The following PARVB variants were observed in gnomAD, a reference collection of about 807,000 sequenced individuals.
PARVB encodes beta-parvin.
In PARVB, 46 loss-of-function variants were observed where a neutral mutation model predicts 47.0. The observed-to-expected ratio is 0.98, with a 90% CI of 0.77 to 1.25. The LOEUF is 1.25. Among genes scored for constraint, PARVB ranks in the 50% most tolerant of loss-of-function variants. The pLI, the probability that PARVB is intolerant of heterozygous loss-of-function variation, is 0.00. For synonymous variants in PARVB, 196 were observed against 196.3 expected, an observed-to-expected ratio of 1.00 and a Z score of 0.01; for missense variants, 473 against 471.6, an observed-to-expected ratio of 1.00 and a Z score of -0.03.
At chr22:44,058,549 A>ATTTTTT (rs35947294) in intron 1 of PARVB, among the ~76,000 whole-genome samples, 19 of 96,030 alleles carry the variant, frequency 2.0e-4, no homozygotes, top group Admixed American at 3.6e-4. Flanking sequence ...GTGGACGTGG[A>ATTTTTT]TTTTTTTTTT....
At position 44,103,764 on chromosome 22, in the gene PARVB, G is replaced by A. The variant is rs986552187; in HGVS notation, c.273+3641G>A. On this transcript the variant is annotated intron_variant, in intron 3 of 12. Coordinates refer to ENST00000338758, the MANE Select transcript of PARVB (RefSeq NM_013327.5). This position sits in a 1 kb window ranked among gnomAD's most constrained non-coding sequence, Gnocchi z 4.6. Reference sequence around the variant, plus strand: ...CCCTGGAGGCAAGGTGGTAGCTTCTGGCTCTGAAGATGGAAGAAGGGGCCA... The same window carrying A: ...CCCTGGAGGCAAGGTGGTAGCTTCTAGCTCTGAAGATGGAAGAAGGGGCCA... The A allele has an allele frequency of 6.6e-6, 1 of 152,230 alleles. No homozygotes were observed. The highest frequency in any genetic ancestry group is 1.5e-5 in the Non-Finnish European group (1 of 68,068). 9.4% of individuals were successfully genotyped at this position (152,230 alleles called of 1,614,324 possible). A position where few individuals can be genotyped will look rare whatever the true frequency, so the allele number is the denominator to read the frequency against.
chr22:44,105,187 T>G (rs531651926), intron 3 of PARVB: 2 of 152,192 alleles, frequency 1.3e-5, no homozygotes, highest in Non-Finnish European at 2.9e-5. Context: ...CTCCAGCCCC[T>G]CCAGCAGCTG....
intron 1 of PARVB, among the ~76,000 whole-genome samples, chr22:44,085,524 G>C (rs10427639): frequency 6.6e-6 from 1 of 151,938 alleles, no homozygotes; most frequent in African/African-American, 2.4e-5. Context: ...CGCTGGTCTC[G>C]AACTCCTGAG....
chr22:44,033,293 C>T lies in PARVB; in HGVS notation c.112+8842C>T, dbSNP rs939689491. ...CTGACCTCAACTGATCCGCCCACCT[C>T]GGCCTCCCAAAGTGCTGGGATTACA... On this transcript the variant is annotated intron_variant, in intron 1 of 12. Transcript: ENST00000338758. 2.6e-5 allele frequency among the ~76,000 whole-genome samples: 4 copies of T among 152,172 alleles called. No individual in the cohort carries two copies. The East Asian group carries it at 5.8e-4, about 22-fold the overall frequency.
rs565729597 is a variant in PARVB, at chr22:44,009,432, A to G, written c.211+9759A>G. ...TGAAATCAGTTTTGAAATCAGTTCTATTTGCTCTAAATAACATCAACTTGT... is the reference window on the plus strand; with the variant it reads ...TGAAATCAGTTTTGAAATCAGTTCTGTTTGCTCTAAATAACATCAACTTGT... On this transcript the variant is annotated intron_variant, in intron 2 of 13. Transcript: ENST00000406477. The G allele has an allele frequency of 2.9e-4, 44 of 152,306 alleles. 2 individuals carry two copies. The highest frequency in any genetic ancestry group is 8.3e-4 in the South Asian group (4 of 4,830). The allele number at this position is 152,306 out of a possible 1,614,324, so 9.4% of individuals were successfully genotyped here.
chr22:44,140,017 G>A, intron 7 of PARVB, 107 bp from the exon 8 acceptor site: 3 of 122,628 alleles, frequency 2.4e-5, no homozygotes, highest in Non-Finnish European at 3.9e-5. Flanking sequence ...TGGGCAGCGA[G>A]GGCCCAGCTT....
intron 2 of PARVB, among the ~76,000 whole-genome samples, chr22:44,013,885 G>A (rs1050295978): frequency 6.6e-6 from 1 of 152,050 alleles, no homozygotes; most frequent in Non-Finnish European, 1.5e-5. Context: ...TGCCCACCTC[G>A]GCCTCCCAAC....
At chr22:44,020,262 G>A (rs942704842), upstream of PARVB, among the ~76,000 whole-genome samples, 5 of 149,824 alleles carry the variant, frequency 3.3e-5, no homozygotes, top group Non-Finnish European at 7.4e-5. Context: ...CTGCAACCTC[G>A]ACCTCCTGGG....
intron 1 of PARVB, among the ~76,000 whole-genome samples, chr22:44,054,587 G>C (rs2051269734): frequency 2.0e-5 from 3 of 152,160 alleles, no homozygotes; most frequent in Admixed American, 1.3e-4. Context: ...GCAGGGAGGG[G>C]ACAGGGAGTT....
intron 1 of PARVB, among the ~76,000 whole-genome samples, chr22:44,040,412 T>C (rs770892760): frequency 1.1e-4 from 16 of 151,972 alleles, no homozygotes; most frequent in Non-Finnish European, 2.2e-4. Flanking sequence ...AATTTGCAGG[T>C]GTGATTAAGT....
intron 2 of PARVB, among the ~76,000 whole-genome samples, chr22:44,006,574 G>A (rs190436219): frequency 2.0e-5 from 3 of 152,314 alleles, no homozygotes; most frequent in Admixed American, 2.0e-4. Context: ...GCAGTGAGCC[G>A]AGATCGTGCC....
chr22:44,060,246 G>A (rs1486734915), intron 1 of PARVB, among the ~76,000 whole-genome samples: 1 of 152,114 alleles, frequency 6.6e-6, no homozygotes, highest in African/African-American at 2.4e-5. Context: ...AACCCAGGAG[G>A]TGGAGGTTGC....
intron 1 of PARVB, among the ~76,000 whole-genome samples, chr22:44,047,659 T>TA (rs943873733): frequency 4.0e-5 from 6 of 151,692 alleles, no homozygotes; most frequent in Admixed American, 3.3e-4. Context: ...AGACTCCATC[T>TA]AAAAAAAATA....
At chr22:44,166,932 G>C (rs1044577247) in intron 12 of PARVB, among the ~76,000 whole-genome samples, 3 of 152,220 alleles carry the variant, frequency 2.0e-5, no homozygotes, top group Non-Finnish European at 2.9e-5. Context: ...TCTGAGCTAG[G>C]CAGACTTACC....
At chr22:44,131,422 A>G in intron 4 of PARVB, 65 bp from the exon 5 acceptor site, 1 of 1,571,880 alleles carries the variant, frequency 6.4e-7, no homozygotes, top group Non-Finnish European at 8.7e-7. Flanking sequence ...GATTACAGGC[A>G]TGAGCCACTG....
exon 1 of PARVB, chr22:43,999,375 A>G (rs1267807612): frequency 6.2e-7 from 1 of 1,611,106 alleles, no homozygotes; most frequent in South Asian, 1.1e-5. Context: ...CAAAGAGGAG[A>G]GAAAAGGGGA....
intron 1 of PARVB, among the ~76,000 whole-genome samples, chr22:44,084,907 T>C (rs1322984180): frequency 6.6e-6 from 1 of 152,260 alleles, no homozygotes; most frequent in Non-Finnish European, 1.5e-5. Flanking sequence ...GACATCTGTT[T>C]ATTTTCCATT....
chr22:44,166,381 G>A (rs139088), intron 12 of PARVB, among the ~76,000 whole-genome samples: 108,997 of 152,180 alleles, frequency 0.72, 39,478 homozygotes, highest in East Asian at 0.94. Context: ...AAGAGCTGGG[G>A]TTACAGGTGT....
chr22:44,031,924 C>A (rs1399876388), intron 1 of PARVB, among the ~76,000 whole-genome samples: 2 of 152,066 alleles, frequency 1.3e-5, no homozygotes, highest in Non-Finnish European at 2.9e-5. Flanking sequence ...AAAAGACATA[C>A]CCTATGAAAA....
Sources: gnomAD v4.1 joint callset for allele counts (sites outside exome capture counted in the v4.1 genomes callset) on GRCh38, gnomAD v4.1.1 for gene constraint, Gnocchi (gnomAD v3.1) non-coding constraint, MANE v1.5 for transcripts, NCBI Gene and HGNC (gene_info 2026-07-23, HGNC 2026-07-21) for gene names.